FRMD4B: variants seen among roughly 807,000 people sequenced by gnomAD.
FRMD4B encodes the protein FERM domain-containing protein 4B.
Under a neutral mutation model 141.5 loss-of-function variants are expected in FRMD4B, and 74 were observed. The observed-to-expected ratio is 0.52, with a 90% CI of 0.43 to 0.63. FRMD4B has a LOEUF of 0.63. FRMD4B is among the 30% of genes least tolerant of loss of function. FRMD4B has a pLI of 0.00. For synonymous variants in FRMD4B, 506 were observed against 467.9 expected, an observed-to-expected ratio of 1.08 and a Z score of -1.05; for missense variants, 1,366 against 1,253.4, an observed-to-expected ratio of 1.09 and a Z score of -1.36.
intron 1 of FRMD4B, among the ~76,000 whole-genome samples, chr3:69,354,118 CT>C (rs1420988178): frequency 6.6e-6 from 1 of 152,120 alleles, no homozygotes; most frequent in Non-Finnish European, 1.5e-5. Context: ...CAGAAAGAAA[CT>C]TAGAATTCCA....
chr3:69,254,583 G>A (rs987192816), intron 5 of FRMD4B, among the ~76,000 whole-genome samples: 1 of 152,128 alleles, frequency 6.6e-6, no homozygotes, highest in Non-Finnish European at 1.5e-5. Context: ...CCAATAATGG[G>A]ATAGATCAGC....
At chr3:69,507,361 G>A (rs983660958) in intron 1 of FRMD4B, among the ~76,000 whole-genome samples, 5 of 152,188 alleles carry the variant, frequency 3.3e-5, no homozygotes, top group South Asian at 2.1e-4. Context: ...ATGCATGCAC[G>A]TATGTATGTG....
intron 11 of FRMD4B, among the ~76,000 whole-genome samples, chr3:69,205,413 T>G (rs1239262954): frequency 2.0e-5 from 3 of 152,198 alleles, no homozygotes; most frequent in African/African-American, 7.2e-5. Context: ...CTTCCTGTGT[T>G]GCCCAGGCTG....
Position 69,227,999 on chromosome 3 carries a change from A to G in FRMD4B, c.582-3309T>C, listed in dbSNP as rs553720526. Among the ~76,000 whole-genome samples the G allele has an allele frequency of 2.3e-3, 356 of 152,356 alleles. 1 individual carries two copies. The highest frequency in any genetic ancestry group is 8.1e-3 in the African/African-American group (337 of 41,586). ...AAACTGCTCCAAAAAATGTTTATTA[A>G]GAAAAACGAAGAAAGAAATATACTT... On this transcript the variant is annotated intron_variant, in intron 7 of 22. Coordinates refer to ENST00000398540, the MANE Select transcript of FRMD4B (RefSeq NM_015123.3).
chr3:69,208,912 G>A (rs907860831), intron 11 of FRMD4B, among the ~76,000 whole-genome samples: 1 of 152,106 alleles, frequency 6.6e-6, no homozygotes, highest in Admixed American at 6.6e-5. Flanking sequence ...TTGGGAGGCT[G>A]AGGCAGGCGG....
chr3:69,173,440 T>G (rs2107560997), intron 22 of FRMD4B, among the ~76,000 whole-genome samples: 1 of 152,288 alleles, frequency 6.6e-6, no homozygotes, highest in South Asian at 2.1e-4. Context: ...ACTAATATAT[T>G]GCTATGCATT....
chr3:69,485,227 A>C (rs1029937227), intron 1 of FRMD4B, among the ~76,000 whole-genome samples: 6 of 152,130 alleles, frequency 3.9e-5, no homozygotes, highest in Non-Finnish European at 5.9e-5. Context: ...CTTGGCCCCA[A>C]CTCCACTCAG....
intron 2 of FRMD4B, among the ~76,000 whole-genome samples, chr3:69,426,758 G>T (rs1213371195): frequency 6.6e-6 from 1 of 152,144 alleles, no homozygotes; most frequent in Non-Finnish European, 1.5e-5. Flanking sequence ...TGAAAACACA[G>T]GGTCTATGGG....
At chr3:69,387,539 C>T (rs1213903799), upstream of FRMD4B, among the ~76,000 whole-genome samples, 1 of 152,292 alleles carries the variant, frequency 6.6e-6, no homozygotes, top group East Asian at 1.9e-4. Flanking sequence ...GGCTGTTTCA[C>T]ATCTGGGTTG....
intron 18 of FRMD4B, among the ~76,000 whole-genome samples, chr3:69,188,650 G>A (rs1355201964): frequency 6.6e-6 from 1 of 151,548 alleles, no homozygotes; most frequent in Admixed American, 6.6e-5. Flanking sequence ...CCAGCTACTC[G>A]GGAGGCTGAG....
chr3:69,457,297 T>C (rs1311425266), intron 1 of FRMD4B, among the ~76,000 whole-genome samples: 1 of 152,218 alleles, frequency 6.6e-6, no homozygotes, highest in Non-Finnish European at 1.5e-5. Flanking sequence ...AAGGTTAGCA[T>C]GGCTGTATCT....
intron 5 of FRMD4B, among the ~76,000 whole-genome samples, chr3:69,270,714 C>T (rs1390861921): frequency 1.3e-5 from 2 of 151,916 alleles, no homozygotes. Context: ...TACAGGCGCC[C>T]GCCATCATGC....
chr3:69,412,374 G>C (rs2106784385), intron 2 of FRMD4B, among the ~76,000 whole-genome samples: 1 of 152,326 alleles, frequency 6.6e-6, no homozygotes, highest in South Asian at 2.1e-4. Flanking sequence ...CTATGTGGTG[G>C]ACTGGTCAAC....
At chr3:69,494,848 C>T (rs372637946) in intron 1 of FRMD4B, among the ~76,000 whole-genome samples, 16 of 151,122 alleles carry the variant, frequency 1.1e-4, no homozygotes, top group Admixed American at 2.0e-4. Context: ...TCCAAGATCA[C>T]GCCACTGCAC....
Position 69,189,904 on chromosome 3 carries a change from T to C in FRMD4B, c.1763A>G (p.Tyr588Cys), listed in dbSNP as rs2092817766. 1.3e-6 allele frequency: 2 copies of C among 1,590,914 alleles called. No homozygotes were observed. Among genetic ancestry groups the C allele is most frequent in the Non-Finnish European group, 1.7e-6 (2 of 1,159,428 alleles). ...ESSSLSDTTTYDDPSDAFTFP... is the reference protein window; with the variant it reads ...ESSSLSDTTTCDDPSDAFTFP... ...AAGGAAGAGCCACTTACGATCATCATAGGTGGTGGTGTCAGACAAAGAGCT... is the reference window on the plus strand; with the variant it reads ...AAGGAAGAGCCACTTACGATCATCACAGGTGGTGGTGTCAGACAAAGAGCT... The change falls in exon 18 of 23, where the codon TAT (tyrosine) becomes TGT (cysteine). Residue 588 changes from tyrosine (Y) to cysteine (C), a missense_variant. Physicochemically the swap from Tyr to Cys is radical, Grantham distance 194 (BLOSUM62 -2). Coordinates refer to ENST00000398540, the MANE Select transcript of FRMD4B (RefSeq NM_015123.3).
chr3:69,208,722 T>C (rs2093048473), intron 11 of FRMD4B, among the ~76,000 whole-genome samples: 1 of 152,236 alleles, frequency 6.6e-6, no homozygotes, highest in Non-Finnish European at 1.5e-5. Flanking sequence ...TACAAATTTA[T>C]GTCTTTATTT....
At chr3:69,321,871 C>T (rs2107284112) in intron 1 of FRMD4B, among the ~76,000 whole-genome samples, 1 of 152,276 alleles carries the variant, frequency 6.6e-6, no homozygotes, top group East Asian at 1.9e-4. Flanking sequence ...AGTGCCACCA[C>T]ACCTGGCTAA....
intron 1 of FRMD4B, among the ~76,000 whole-genome samples, chr3:69,528,986 C>A (rs1332316802): frequency 6.6e-6 from 1 of 152,158 alleles, no homozygotes; most frequent in African/African-American, 2.4e-5. Context: ...AATTCCCCTG[C>A]ATTTCCAGCC....
At chr3:69,509,526 G>C (rs1706655666) in intron 1 of FRMD4B, among the ~76,000 whole-genome samples, 1 of 152,130 alleles carries the variant, frequency 6.6e-6, no homozygotes. Flanking sequence ...GGTGTCTTCA[G>C]ACCTCTAAAG....
Sources: allele counts gnomAD v4.1 joint callset (sites outside exome capture counted in the v4.1 genomes callset), GRCh38; gene constraint gnomAD v4.1.1; transcripts MANE v1.5; gene names NCBI Gene and HGNC (gene_info 2026-07-23, HGNC 2026-07-21).